The following PCBP3 variants were observed in gnomAD, a reference collection of about 807,000 sequenced individuals.
PCBP3 encodes poly(rC) binding protein 3.
In PCBP3, 25 loss-of-function variants were observed where a neutral mutation model predicts 52.7. The ratio of observed to expected loss-of-function variants is 0.47; its 90% CI spans 0.35 to 0.66. PCBP3 has a LOEUF of 0.66. PCBP3 is among the 30% of genes least tolerant of loss of function. PCBP3 has a pLI of 0.01. For missense variants in PCBP3, 391 were observed against 490.3 expected, an observed-to-expected ratio of 0.80 and a Z score of 1.91; for synonymous variants, 162 against 183.0, an observed-to-expected ratio of 0.89 and a Z score of 0.93.
intron 4 of PCBP3, among the ~76,000 whole-genome samples, chr21:45,781,412 T>C (rs1173542447): frequency 7.2e-5 from 11 of 152,168 alleles, no homozygotes; most frequent in Non-Finnish European, 1.0e-4. Context: ...AGTACATAAA[T>C]AGATGCTCAG....
chr21:45,877,056 A>G (rs1314228162), intron 5 of PCBP3, among the ~76,000 whole-genome samples: 1 of 152,018 alleles, frequency 6.6e-6, no homozygotes, highest in Non-Finnish European at 1.5e-5. Flanking sequence ...TAATATCCAA[A>G]CCTATTCATC....
intron 9 of PCBP3, among the ~76,000 whole-genome samples, chr21:45,906,724 G>C (rs1488274100): frequency 6.6e-6 from 1 of 152,172 alleles, no homozygotes; most frequent in East Asian, 1.9e-4. Context: ...GGGAGCTCAG[G>C]AAACAGTGTC....
rs906272019 is a variant in PCBP3, at chr21:45,737,559, G to A, written c.-162+2130G>A. Among the ~76,000 whole-genome samples, 1 of 152,184 alleles carries A rather than the reference G, an allele frequency of 6.6e-6. No individual in the cohort carries two copies. Among genetic ancestry groups the A allele is most frequent in the Non-Finnish European group, 1.5e-5 (1 of 68,032 alleles). ...GGAAATAAACCAGCGTGCTGGGGTG[G>A]GGCGAGCCCGACCATGCAAGCCATG... On this transcript the variant is annotated intron_variant, in intron 3 of 17. Transcript: ENST00000681687. This position sits in a 1 kb window ranked among gnomAD's most constrained non-coding sequence, Gnocchi z 4.9.
At chr21:45,726,134 T>TGA (rs1340757274) in intron 2 of PCBP3, among the ~76,000 whole-genome samples, 2 of 152,012 alleles carry the variant, frequency 1.3e-5, no homozygotes, top group Non-Finnish European at 2.9e-5. Context: ...GACTCAGACC[T>TGA]GACTCCGAGG....
chr21:45,930,750 G>A, intron 14 of PCBP3, 36 bp from the exon 15 acceptor site: 1 of 978,516 alleles, frequency 1.0e-6, no homozygotes, highest in Non-Finnish European at 1.7e-6. Context: ...CTCCTTGAGG[G>A]CAAAACATTA....
chr21:45,804,397 G>T (rs2092422282), intron 4 of PCBP3, among the ~76,000 whole-genome samples: 1 of 152,180 alleles, frequency 6.6e-6, no homozygotes, highest in African/African-American at 2.4e-5. Flanking sequence ...CTATTTGAAA[G>T]GCTTTGAGGT....
At chr21:45,653,402 T>G (rs971835334) in intron 1 of PCBP3, among the ~76,000 whole-genome samples, 6 of 152,176 alleles carry the variant, frequency 3.9e-5, no homozygotes, top group African/African-American at 7.2e-5. Flanking sequence ...TTTTTGAGAC[T>G]GTGTTGTCAG....
rs1465270070 is a variant in PCBP3 at position 45,643,732 on chromosome 21, C to G, written c.-415C>G. 3.4e-5 allele frequency: 5 copies of G among 148,616 alleles called. No homozygotes were observed. Among genetic ancestry groups the G allele is most frequent in the Non-Finnish European group, 4.5e-5 (3 of 66,734 alleles). The allele number at this position is 148,616 out of a possible 1,614,324, so 9.2% of individuals were successfully genotyped here. A position where few individuals can be genotyped will look rare whatever the true frequency, so the allele number is the denominator to read the frequency against. ...CCTGAAGCCGCGACCGCCGCCTCAG[C>G]CGCCTCAGCCGCGGTCGCCGCCGCT... On this transcript the variant is annotated 5_prime_UTR_variant, in exon 1 of 18. Coordinates refer to ENST00000681687, the MANE Select transcript of PCBP3 (RefSeq NM_001384156.1).
intron 4 of PCBP3, among the ~76,000 whole-genome samples, chr21:45,803,653 G>A (rs1331940971): frequency 6.6e-6 from 1 of 152,204 alleles, no homozygotes; most frequent in Non-Finnish European, 1.5e-5. Flanking sequence ...ACAGTGCTTG[G>A]CTCTGATGCC....
intron 4 of PCBP3, among the ~76,000 whole-genome samples, chr21:45,840,490 A>T (rs941541967): frequency 2.0e-5 from 3 of 151,962 alleles, no homozygotes; most frequent in East Asian, 3.9e-4. Context: ...ACAGTAAACT[A>T]ATTTAATTTA....
intron 4 of PCBP3, among the ~76,000 whole-genome samples, chr21:45,816,036 GTGAGTGAGTGGTGAGTGGTGAGTGAGTGA>G (rs1569262725): frequency 3.8e-5 from 5 of 130,844 alleles, no homozygotes; most frequent in Non-Finnish European, 8.1e-5. Context: ...GTGGTGAGTG[GTGAGTGAGTGGTGAGTGGTGAGTGAGTGA>G]TGAGTGAGTG....
At chr21:45,901,143 C>T in intron 9 of PCBP3, 30 bp downstream of exon 9, 3 of 1,497,114 alleles carry the variant, frequency 2.0e-6, no homozygotes, top group Non-Finnish European at 1.9e-6. Flanking sequence ...CCTCTGCCAG[C>T]CTGGCGGGGG....
intron 2 of PCBP3, among the ~76,000 whole-genome samples, chr21:45,729,192 C>CT (rs933919313): frequency 2.6e-5 from 4 of 152,112 alleles, no homozygotes; most frequent in African/African-American, 9.7e-5. Context: ...CGTCTGGGTT[C>CT]TTTCACTTAG....
intron 4 of PCBP3, among the ~76,000 whole-genome samples, chr21:45,768,805 G>T (rs1340051534): frequency 6.6e-6 from 1 of 152,232 alleles, no homozygotes; most frequent in Non-Finnish European, 1.5e-5. Flanking sequence ...GGCTGAGGAC[G>T]TGCTGTGCCT....
At chr21:45,688,272 A>G (rs2082268179) in intron 2 of PCBP3, among the ~76,000 whole-genome samples, 1 of 152,214 alleles carries the variant, frequency 6.6e-6, no homozygotes, top group Non-Finnish European at 1.5e-5. Flanking sequence ...CAACAACTGA[A>G]GAATACAAAC....
intron 5 of PCBP3, among the ~76,000 whole-genome samples, chr21:45,881,677 G>T (rs1010821150): frequency 1.3e-5 from 2 of 152,096 alleles, no homozygotes; most frequent in Non-Finnish European, 2.9e-5. Flanking sequence ...TTTGACTCCC[G>T]TCTAACTGAA....
chr21:45,937,605 G>A (rs2077012668), intron 16 of PCBP3, among the ~76,000 whole-genome samples: 1 of 152,196 alleles, frequency 6.6e-6, no homozygotes, highest in African/African-American at 2.4e-5. Context: ...CATTATTTCA[G>A]AATATTTCTA....
At chr21:45,831,562 A>T (rs1603446753) in intron 4 of PCBP3, among the ~76,000 whole-genome samples, 1 of 152,258 alleles carries the variant, frequency 6.6e-6, no homozygotes, top group South Asian at 2.1e-4. Flanking sequence ...TAGCTTTTCA[A>T]CCTGAATTGT....
chr21:45,735,154 T>A lies in PCBP3; in HGVS notation c.-199-238T>A, dbSNP rs1193658668. Among the ~76,000 whole-genome samples the A allele has an allele frequency of 2.0e-5, 3 of 152,240 alleles. No individual in the cohort carries two copies. The highest frequency in any genetic ancestry group is 2.9e-5 in the Non-Finnish European group (2 of 68,030). The stretch of plus-strand genomic sequence containing the variant: ...TTCAGGGACCCTGGGGTTCTGAGTC[T>A]TTATCAGTGTCGTGTATGTTCCAGA... On this transcript the variant is annotated intron_variant, in intron 2 of 17. Transcript: ENST00000681687. This position sits in a 1 kb window ranked among gnomAD's most constrained non-coding sequence, Gnocchi z 4.0.
Sources: allele counts gnomAD v4.1 joint callset (sites outside exome capture counted in the v4.1 genomes callset), GRCh38; gene constraint gnomAD v4.1.1; non-coding constraint Gnocchi (gnomAD v3.1); transcripts MANE v1.5; gene names NCBI Gene and HGNC (gene_info 2026-07-23, HGNC 2026-07-21).